MECOM: variants seen among roughly 807,000 people sequenced by gnomAD.
The protein encoded by MECOM is histone-lysine N-methyltransferase MECOM.
A neutral mutation model predicts 116.3 loss-of-function variants in MECOM; 13 were observed. The observed-to-expected ratio is 0.11, with a 90% confidence interval of 0.07 to 0.18. MECOM has a LOEUF of 0.18. Ranked by LOEUF, MECOM falls within the 10% of genes least tolerant of loss-of-function variation. The pLI, the probability that MECOM is intolerant of heterozygous loss-of-function variation, is 1.00. For synonymous variants in MECOM, 528 were observed against 535.2 expected (o/e 0.99, Z 0.19); for missense variants, 1,299 against 1,509.0 (o/e 0.86, Z 2.31).
chr3:169,584,641 C>T (rs1297007652), intron 1 of MECOM, among the ~76,000 whole-genome samples: 1 of 151,590 alleles, frequency 6.6e-6, no homozygotes, highest in African/African-American at 2.4e-5. Context: ...AAAAGGAGGA[C>T]ACTTAGACTT....
intron 2 of MECOM, among the ~76,000 whole-genome samples, chr3:169,378,769 G>C (rs1158918446): frequency 6.6e-6 from 1 of 151,950 alleles, no homozygotes; most frequent in Non-Finnish European, 1.5e-5. Context: ...AAAAGAGCAA[G>C]GGCCCTACTA....
Position 169,382,849 on chromosome 3 carries a change from C to CAA in MECOM, c.38-1327_38-1326dup, listed in dbSNP as rs1157852145. Among the ~76,000 whole-genome samples the CAA allele has an allele frequency of 2.2e-3, 105 of 47,074 alleles. 4 individuals carry two copies. Among genetic ancestry groups the CAA allele is most frequent in the African/African-American group, 9.0e-3 (100 of 11,162 alleles). 30.9% of individuals were successfully genotyped at this position (47,074 alleles called of 152,430 possible). On this transcript the variant is annotated intron_variant, in intron 1 of 16. Coordinates refer to ENST00000651503, the MANE Select transcript of MECOM (RefSeq NM_004991.4). ...CTGGCAAGAGACTGAAAGCCCATCT[C>CAA]AAAAAAAAAAAAAAATAAAAAAAAT... is the stretch of plus-strand genomic sequence containing the variant.
At position 169,122,632 on chromosome 3, in the gene MECOM, T is replaced by A. The variant is rs756898457; in HGVS notation, c.926A>T (p.His309Leu). ...CTTTCCACTGTCATGTGACATCTGG[T>A]GGCGAATTAAATTGGACTTCCAGTT... ...AFNWKSNLIR[H>L]QMSHDSGKHY... Residue 309 changes from histidine to leucine, a missense_variant, in exon 6 of 17, where the codon CAC (histidine) becomes CTC (leucine). By Grantham distance (99) the His-to-Leu change is moderately conservative (BLOSUM62 -3). Transcript: ENST00000651503. The A allele has an allele frequency of 6.2e-7, 1 of 1,614,126 alleles. No homozygotes were observed. The highest frequency in any genetic ancestry group is 1.7e-5 in the Admixed American group (1 of 60,028).
In MECOM at chr3:169,654,813, AACACACACACAC is replaced by A. The variant is rs10622808; in HGVS notation, c.37+8511_37+8522del. ...TGTAATAAGTACTTCCACCTATCAA[AACACACACACAC>A]ACACACACACACACACATATTAACT... On this transcript the variant is annotated intron_variant, in intron 1 of 16. Coordinates refer to ENST00000651503, the MANE Select transcript of MECOM (RefSeq NM_004991.4). 4.3e-4 allele frequency among the ~76,000 whole-genome samples: 63 copies of A among 148,088 alleles called. No individual in the cohort carries two copies. The East Asian group carries it at 0.012, about 28-fold the overall frequency.
At chr3:169,317,174 G>T (rs770512209) in intron 2 of MECOM, among the ~76,000 whole-genome samples, 9 of 152,146 alleles carry the variant, frequency 5.9e-5, no homozygotes, top group Admixed American at 6.5e-5. Flanking sequence ...TATACGAGTT[G>T]TATTTGTTTT....
chr3:169,545,676 G>A (rs925883776), intron 1 of MECOM, among the ~76,000 whole-genome samples: 1 of 152,062 alleles, frequency 6.6e-6, no homozygotes, highest in African/African-American at 2.4e-5. Flanking sequence ...AGACATCTCT[G>A]TCCTGGTCCA....
At chr3:169,229,497 C>T (rs1753122776) in intron 2 of MECOM, among the ~76,000 whole-genome samples, 1 of 152,108 alleles carries the variant, frequency 6.6e-6, no homozygotes, top group African/African-American at 2.4e-5. Flanking sequence ...AGGTTACTAT[C>T]CTGGGTCAGT....
intron 2 of MECOM, among the ~76,000 whole-genome samples, chr3:169,254,991 C>G (rs1260950434): frequency 2.0e-5 from 3 of 151,966 alleles, no homozygotes; most frequent in Non-Finnish European, 4.4e-5. Context: ...CCACCACTTC[C>G]AAAATATTCT....
chr3:169,186,138 G>A (rs1163496780), intron 2 of MECOM, among the ~76,000 whole-genome samples: 1 of 152,076 alleles, frequency 6.6e-6, no homozygotes, highest in Non-Finnish European at 1.5e-5. Flanking sequence ...TCACTGGACT[G>A]TGTCCCTCAC....
chr3:169,180,897 T>C (rs552148773), intron 2 of MECOM, among the ~76,000 whole-genome samples: 10 of 150,240 alleles, frequency 6.7e-5, no homozygotes, highest in Admixed American at 2.0e-4. Context: ...GCTACCATGT[T>C]ATCAACACTT....
chr3:169,604,933 A>G (rs1458281534), intron 1 of MECOM, among the ~76,000 whole-genome samples: 1 of 152,212 alleles, frequency 6.6e-6, no homozygotes, highest in African/African-American at 2.4e-5. Context: ...CCATCGCAGC[A>G]TGAATCCTAT....
chr3:169,469,636 A>C (rs1438900836), intron 1 of MECOM, among the ~76,000 whole-genome samples: 1 of 152,044 alleles, frequency 6.6e-6, no homozygotes, highest in Non-Finnish European at 1.5e-5. Context: ...CCTCCTTTCA[A>C]CTCTCCAGCA....
At chr3:169,257,995 C>T (rs560066052) in intron 2 of MECOM, among the ~76,000 whole-genome samples, 16 of 152,184 alleles carry the variant, frequency 1.1e-4, no homozygotes, top group East Asian at 3.9e-4. Context: ...CCAAGGCAGG[C>T]GGATAACTTT....
At position 169,338,600 on chromosome 3, in the gene MECOM, G is replaced by GGTGTGTGTGTGTGT. The variant is rs149763365; in HGVS notation, c.375+42573_375+42586dup. 6.4e-3 allele frequency among the ~76,000 whole-genome samples: 937 copies of GGTGTGTGTGTGTGT among 146,526 alleles called. 8 individuals carry two copies. The highest frequency in any genetic ancestry group is 0.054 in the East Asian group (264 of 4,916). ...ATTTAGGAAATGTATTTATGTTAGG[G>GGTGTGTGTGTGTGT]GTGTGTGTGTGTGTGTGTGTGTGTG... On this transcript the variant is annotated intron_variant, in intron 2 of 16. Coordinates refer to ENST00000651503, the MANE Select transcript of MECOM (RefSeq NM_004991.4).
chr3:169,475,901 T>C (rs1167765559), intron 1 of MECOM, among the ~76,000 whole-genome samples: 1 of 152,166 alleles, frequency 6.6e-6, no homozygotes, highest in Admixed American at 6.5e-5. Context: ...TTTTTTTTTA[T>C]TGCAACAGTA....
At chr3:169,283,752 T>C (rs1712674792) in intron 2 of MECOM, among the ~76,000 whole-genome samples, 1 of 152,216 alleles carries the variant, frequency 6.6e-6, no homozygotes. Context: ...AAAAAGGAAA[T>C]GGTGATAGAG....
chr3:169,526,483 C>G (rs889905221), intron 1 of MECOM, among the ~76,000 whole-genome samples: 33 of 152,148 alleles, frequency 2.2e-4, no homozygotes, highest in Admixed American at 2.1e-3. Context: ...CTTAAAGAAG[C>G]CTGGTCCAAT....
At chr3:169,302,189 G>A (rs1015884412) in intron 2 of MECOM, among the ~76,000 whole-genome samples, 4 of 152,176 alleles carry the variant, frequency 2.6e-5, no homozygotes, top group Admixed American at 6.5e-5. Flanking sequence ...TTCAAGACAA[G>A]TAGAGAAAAG....
intron 1 of MECOM, among the ~76,000 whole-genome samples, chr3:169,594,171 A>AAC (rs1560472570): frequency 2.5e-5 from 3 of 118,926 alleles, no homozygotes; most frequent in East Asian, 4.9e-4. Context: ...AAAAAAAAAA[A>AAC]AAAAACACCT....
Sources: allele counts gnomAD v4.1 joint callset (sites outside exome capture counted in the v4.1 genomes callset), GRCh38; gene constraint gnomAD v4.1.1; transcripts MANE v1.5; gene names NCBI Gene and HGNC (gene_info 2026-07-23, HGNC 2026-07-21).